RNMT: variants seen among roughly 807,000 people sequenced by gnomAD.
RNMT encodes the protein mRNA cap guanine-N(7) methyltransferase.
RNMT carries 27 observed loss-of-function variants against 56.0 expected under a neutral mutation model. That is an observed-to-expected ratio of 0.48 (90% CI 0.36 to 0.67). The LOEUF is 0.67. RNMT is among the 30% of genes least tolerant of loss of function. The pLI is 0.00. For synonymous variants in RNMT, 184 were observed against 176.2 expected, an observed-to-expected ratio of 1.04 and a Z score of -0.35; for missense variants, 519 against 552.1, an observed-to-expected ratio of 0.94 and a Z score of 0.60.
intron 11 of RNMT, among the ~76,000 whole-genome samples, chr18:13,754,630 A>G (rs2044512647): frequency 6.6e-6 from 1 of 152,230 alleles, no homozygotes; most frequent in South Asian, 2.1e-4. Context: ...TGTAGTGCCA[A>G]GAGAAGATAC....
chr18:13,730,512 A>G (rs2044049086), intron 1 of RNMT, 115 bp from the exon 2 acceptor site: 1 of 152,274 alleles, frequency 6.6e-6, no homozygotes, highest in Non-Finnish European at 1.5e-5. Flanking sequence ...AAAGAATTTA[A>G]AAGTATTTAT....
chr18:13,735,158 T>G (rs1258629591), intron 4 of RNMT, among the ~76,000 whole-genome samples: 1 of 152,192 alleles, frequency 6.6e-6, no homozygotes, highest in Non-Finnish European at 1.5e-5. Context: ...TTAAGTAGAC[T>G]CTTAGATAAA....
Position 13,752,964 on chromosome 18 carries a change from A to G in RNMT, c.1359+537A>G, listed in dbSNP as rs555755923. Reference sequence around the variant, plus strand: ...GAAAAATGACATCACTAGAACTGCCACTAGATCTTGTTATTATAGTTAATG... The same window carrying G: ...GAAAAATGACATCACTAGAACTGCCGCTAGATCTTGTTATTATAGTTAATG... On this transcript the variant is annotated intron_variant, in intron 10 of 11. Coordinates refer to ENST00000383314, the MANE Select transcript of RNMT (RefSeq NM_003799.3). Among the ~76,000 whole-genome samples the G allele has an allele frequency of 2.6e-5, 4 of 152,354 alleles. No individual in the cohort carries two copies. In the East Asian group the frequency reaches 7.7e-4, roughly 29 times the overall value.
At position 13,737,133 on chromosome 18, in the gene RNMT, C is replaced by G. The variant is rs1310003078; in HGVS notation, c.677C>G (p.Thr226Ser). Residue 226 changes from threonine (T) to serine (S), a missense_variant and splice_region_variant, in exon 5 of 12, where the codon ACT becomes AGT. Physicochemically the swap from Thr to Ser is moderately conservative, Grantham distance 58 (BLOSUM62 1). Coordinates refer to ENST00000383314, the MANE Select transcript of RNMT (RefSeq NM_003799.3). ...KKGRINKLVC[T>S]DIADVSVKQC... is the part of the protein sequence containing the mutation. Reference sequence around the variant, plus strand: ...GGAAGAATTAACAAGCTAGTTTGTACTGGTAAGATAAATAATGATATGGGA... The same window carrying G: ...GGAAGAATTAACAAGCTAGTTTGTAGTGGTAAGATAAATAATGATATGGGA... 1 of 1,596,618 alleles carries G rather than the reference C, an allele frequency of 6.3e-7. No homozygotes were observed. Among genetic ancestry groups the G allele is most frequent in the African/African-American group, 1.3e-5 (1 of 74,292 alleles).
intron 8 of RNMT, among the ~76,000 whole-genome samples, chr18:13,744,706 C>G (rs2044324208): frequency 6.6e-6 from 1 of 152,104 alleles, no homozygotes; most frequent in African/African-American, 2.4e-5. Flanking sequence ...TACATAGAAA[C>G]CTCAGTGGCC....
At chr18:13,751,358 C>A (rs1442997724) in intron 9 of RNMT, among the ~76,000 whole-genome samples, 1 of 152,178 alleles carries the variant, frequency 6.6e-6, no homozygotes, top group East Asian at 1.9e-4. Context: ...CCAACAGACA[C>A]AGAGGAAATG....
intron 7 of RNMT, among the ~76,000 whole-genome samples, chr18:13,742,284 A>G (rs922408955): frequency 5.9e-5 from 9 of 151,834 alleles, no homozygotes; most frequent in African/African-American, 2.2e-4. Context: ...GTAGTGAGCT[A>G]TGATCACACC....
At chr18:13,734,099 CT>C (rs2044119652) in intron 3 of RNMT, among the ~76,000 whole-genome samples, 1 of 152,150 alleles carries the variant, frequency 6.6e-6, no homozygotes, top group African/African-American at 2.4e-5. Flanking sequence ...GGGGTTTCCC[CT>C]TTTACTTGGC....
At chr18:13,736,933 G>T in intron 4 of RNMT, 77 bp from the exon 5 acceptor site, 3 of 1,300,184 alleles carry the variant, frequency 2.3e-6, no homozygotes, top group Non-Finnish European at 3.2e-6. Context: ...AAGATAGTAG[G>T]TTATTAGAGG....
intron 11 of RNMT, 79 bp downstream of exon 11, chr18:13,754,226 G>A (rs1465384810): frequency 2.1e-6 from 2 of 963,426 alleles, no homozygotes; most frequent in Non-Finnish European, 1.6e-6. Context: ...CTGAAAAAAG[G>A]CTGGGCACTG....
At chr18:13,750,357 CT>C (rs1201963453) in intron 9 of RNMT, among the ~76,000 whole-genome samples, 1 of 151,582 alleles carries the variant, frequency 6.6e-6, no homozygotes, top group Non-Finnish European at 1.5e-5. Flanking sequence ...ATATTTAGCT[CT>C]TTTTATGACA....
rs979043276 is a variant in RNMT, at chr18:13,761,784, C to G, written c.*1805C>G. ...CTGCAGGCGCTGTGTTCAGGCACCA[C>G]CTTCCTCCTTGAGCTTTGCCTGTCT... is the stretch of plus-strand genomic sequence containing the variant. On this transcript the variant is annotated 3_prime_UTR_variant, in exon 12 of 12. Transcript: ENST00000383314. 31 of 1,264,186 alleles carry G rather than the reference C, an allele frequency of 2.5e-5. No homozygotes were observed. The highest frequency in any genetic ancestry group is 7.6e-5 in the Admixed American group (2 of 26,486). 78.3% of individuals were successfully genotyped at this position (1,264,186 alleles called of 1,614,324 possible).
Position 13,736,594 on chromosome 18 carries a change from G to A in RNMT, c.554-416G>A, listed in dbSNP as rs535947357. Among the ~76,000 whole-genome samples, 5 of 147,916 alleles carry A rather than the reference G, an allele frequency of 3.4e-5. No individual in the cohort carries two copies. The East Asian group carries it at 7.9e-4, about 23-fold the overall frequency. ...TCCATAACAACTTTGATTTACTTAC[G>A]TGTCTACTGTTAAACACCTAGCTAT... On this transcript the variant is annotated intron_variant, in intron 4 of 11. Coordinates refer to ENST00000383314, the MANE Select transcript of RNMT (RefSeq NM_003799.3).
chr18:13,761,232 CA>C lies in RNMT; in HGVS notation c.*1254del. The C allele has an allele frequency of 1.0e-6, 1 of 985,420 alleles. No individual in the cohort carries two copies. The highest frequency in any genetic ancestry group is 1.2e-6 in the Non-Finnish European group (1 of 829,922). The allele number at this position is 985,420 out of a possible 1,614,324, so 61.0% of individuals were successfully genotyped here. A position where few individuals can be genotyped will look rare whatever the true frequency, so the allele number is the denominator to read the frequency against. ...GATTTCCTCATTTCAGTTCCTTCTG[CA>C]GCCTGTGAATCTCCACAAAGTGTTA... On this transcript the variant is annotated 3_prime_UTR_variant, in exon 12 of 12. Coordinates refer to ENST00000383314, the MANE Select transcript of RNMT (RefSeq NM_003799.3).
intron 9 of RNMT, among the ~76,000 whole-genome samples, chr18:13,751,311 A>T (rs930783617): frequency 6.6e-6 from 1 of 152,262 alleles, no homozygotes; most frequent in African/African-American, 2.4e-5. Flanking sequence ...GGCAAAGGAT[A>T]TGAACAGACA....
rs1340887232 is a variant in RNMT, at chr18:13,760,423, TG to T, written c.*446del. 2 of 987,492 alleles carry T rather than the reference TG, an allele frequency of 2.0e-6. No individual in the cohort carries two copies. Among genetic ancestry groups the T allele is most frequent in the Non-Finnish European group, 2.4e-6 (2 of 830,856 alleles). The allele number at this position is 987,492 out of a possible 1,614,324, so 61.2% of individuals were successfully genotyped here. Reference sequence around the variant, plus strand: ...TTATATAGCATTTTTCAACATTTAATGGTCTGTACAGTTGAATGTAAGTGTT... The same window carrying T: ...TTATATAGCATTTTTCAACATTTAATGTCTGTACAGTTGAATGTAAGTGTT... On this transcript the variant is annotated 3_prime_UTR_variant, in exon 12 of 12. Coordinates refer to ENST00000383314, the MANE Select transcript of RNMT (RefSeq NM_003799.3).
chr18:13,734,166 AT>A (rs2044120835), intron 3 of RNMT, among the ~76,000 whole-genome samples: 1 of 152,078 alleles, frequency 6.6e-6, no homozygotes, highest in African/African-American at 2.4e-5. Context: ...TTCCACCATG[AT>A]TGTGAGGCCT....
rs1156790988 is a variant in RNMT at position 13,731,707 on chromosome 18, G to A, written c.190G>A (p.Asp64Asn). Residue 64 changes from aspartate to asparagine, a missense_variant, in exon 3 of 12, where the codon GAT becomes AAT. Coordinates refer to ENST00000383314, the MANE Select transcript of RNMT (RefSeq NM_003799.3). ...DIARKRKEFE[D>N]DLVKESSSCG... ...AGCAAGAAAGAGAAAAGAGTTTGAA[G>A]ATGATCTTGTAAAGGAAAGTTCTAG... 3 of 1,613,524 alleles carry A rather than the reference G, an allele frequency of 1.9e-6. No homozygotes were observed. Among genetic ancestry groups the A allele is most frequent in the Admixed American group, 1.7e-5 (1 of 59,838 alleles).
At chr18:13,746,768 C>T (rs1178869131) in intron 9 of RNMT, among the ~76,000 whole-genome samples, 1 of 152,200 alleles carries the variant, frequency 6.6e-6, no homozygotes, top group Admixed American at 6.5e-5. Context: ...GACAAAATTG[C>T]CCCAAGTTGA....
Sources: gnomAD v4.1 joint callset for allele counts (sites outside exome capture counted in the v4.1 genomes callset) on GRCh38, gnomAD v4.1.1 for gene constraint, MANE v1.5 for transcripts, NCBI Gene and HGNC (gene_info 2026-07-23, HGNC 2026-07-21) for gene names.